The following ZNF791 variants were observed in gnomAD, a reference collection of about 807,000 sequenced individuals.
ZNF791 encodes zinc finger protein 791.
ZNF791 carries 4 observed loss-of-function variants against 11.5 expected under a neutral mutation model. The observed-to-expected ratio is 0.35, with a 90% CI of 0.17 to 0.80. The LOEUF is 0.80. Ranked by LOEUF, ZNF791 falls within the 30% of genes least tolerant of loss-of-function variation. The probability of loss-of-function intolerance (pLI) is 0.53; values close to 1 mark genes in which losing one functional copy is unlikely to be tolerated. For missense variants in ZNF791, 559 were observed against 699.4 expected, an observed-to-expected ratio of 0.80 and a Z score of 2.26; for synonymous variants, 212 against 228.1, an observed-to-expected ratio of 0.93 and a Z score of 0.64.
chr19:12,622,198 C>T (rs879281329), intron 1 of ZNF791, among the ~76,000 whole-genome samples: 1 of 136,788 alleles, frequency 7.3e-6, no homozygotes, highest in African/African-American at 2.6e-5. Context: ...CTCAAGTAAT[C>T]AGGGACACAA....
At chr19:12,620,754 C>CTTTTTTTTTTTTTTTGTTTTT (rs2023327873) in intron 1 of ZNF791, among the ~76,000 whole-genome samples, 1 of 83,446 alleles carries the variant, frequency 1.2e-5, no homozygotes, top group African/African-American at 5.4e-5. Context: ...GATTTATGTT[C>CTTTTTTTTTTTTTTTGTTTTT]TTTTTTTTTT....
At chr19:12,616,307 T>C (rs1274991592) in intron 1 of ZNF791, among the ~76,000 whole-genome samples, 1 of 152,182 alleles carries the variant, frequency 6.6e-6, no homozygotes, top group Non-Finnish European at 1.5e-5. Flanking sequence ...AGAGTTCGAA[T>C]TGGAGGCAGG....
chr19:12,620,190 A>G (rs574614199), intron 1 of ZNF791, among the ~76,000 whole-genome samples: 4 of 151,850 alleles, frequency 2.6e-5, no homozygotes, highest in South Asian at 4.2e-4. Context: ...GGTGTGAGCC[A>G]CCGCACCTGG....
rs2023463560 is a variant in ZNF791, at chr19:12,628,767, A to C, written c.1238A>C (p.Glu413Ala). The C allele has an allele frequency of 1.2e-6, 2 of 1,612,792 alleles. No individual in the cohort carries two copies. Among genetic ancestry groups the C allele is most frequent in the Non-Finnish European group, 1.7e-6 (2 of 1,179,584 alleles). Residue 413 changes from glutamate to alanine, a missense_variant, in exon 4 of 4, where the codon GAG becomes GCG. By Grantham distance (107) the Glu-to-Ala change is moderately radical. Coordinates refer to ENST00000343325, the MANE Select transcript of ZNF791 (RefSeq NM_153358.3). ...AATCACACTGGAGAAAAACCCTATG[A>C]GTGTAAGGAATGTGCAAAAACCTTC... ...KRNHTGEKPY[E>A]CKECAKTFIS...
chr19:12,624,928 G>A (rs946602699), intron 3 of ZNF791, among the ~76,000 whole-genome samples: 2 of 151,634 alleles, frequency 1.3e-5, no homozygotes, highest in African/African-American at 4.8e-5. Flanking sequence ...GTGGGCGCCT[G>A]TAATCCCAGC....
rs576943174 is a variant in ZNF791, at chr19:12,612,945, G to C, written c.3+1863G>C. Among the ~76,000 whole-genome samples the C allele has an allele frequency of 1.3e-4, 19 of 151,992 alleles. No homozygotes were observed. The South Asian group carries it at 3.7e-3, about 30-fold the overall frequency. On this transcript the variant is annotated intron_variant, in intron 1 of 3. Coordinates refer to ENST00000343325, the MANE Select transcript of ZNF791 (RefSeq NM_153358.3). Reference sequence around the variant, plus strand: ...ACAGGCAGATGCTGTTAGGGGAAGAGGGGAGGATGTCTGAGGTTTTAATTG... The same window carrying C: ...ACAGGCAGATGCTGTTAGGGGAAGACGGGAGGATGTCTGAGGTTTTAATTG...
At position 12,630,687 on chromosome 19, in the gene ZNF791, A is replaced by G. The variant is rs1053110164; in HGVS notation, c.*1427A>G. 4.6e-5 allele frequency: 7 copies of G among 152,266 alleles called. No individual in the cohort carries two copies. Among genetic ancestry groups the G allele is most frequent in the Non-Finnish European group, 1.0e-4 (7 of 68,024 alleles). The allele number at this position is 152,266 out of a possible 1,614,324, so 9.4% of individuals were successfully genotyped here. ...TGAACGTATTCTGGCGGGACAAAAC[A>G]TGGAGGCAGAAGACAATGATATTGA... is the stretch of plus-strand genomic sequence containing the variant. On this transcript the variant is annotated 3_prime_UTR_variant, in exon 4 of 4. Coordinates refer to ENST00000343325, the MANE Select transcript of ZNF791 (RefSeq NM_153358.3).
chr19:12,624,557 A>AGCTCATTGT, intron 2 of ZNF791, 93 bp from the exon 3 acceptor site: 1 of 925,920 alleles, frequency 1.1e-6, no homozygotes. Flanking sequence ...TAAATAAACC[A>AGCTCATTGT]GGCATGGTTA....
chr19:12,619,329 A>T (rs1351586334), intron 1 of ZNF791, among the ~76,000 whole-genome samples: 1 of 152,170 alleles, frequency 6.6e-6, no homozygotes, highest in Non-Finnish European at 1.5e-5. Context: ...TTGGAAAAAA[A>T]TTACTGGATC....
At position 12,630,963 on chromosome 19, in the gene ZNF791, G is replaced by A. The variant is rs2023495685; in HGVS notation, c.*1703G>A. 2 of 152,162 alleles carry A rather than the reference G, an allele frequency of 1.3e-5. No individual in the cohort carries two copies. The highest frequency in any genetic ancestry group is 1.3e-4 in the Admixed American group (2 of 15,280). 9.4% of individuals were successfully genotyped at this position (152,162 alleles called of 1,614,324 possible). On this transcript the variant is annotated 3_prime_UTR_variant, in exon 4 of 4. Transcript: ENST00000343325. ...GAAAAAATGTTTTTATGAATGTAGT[G>A]TAGTCCAAGTGTACAGTGTTTATAA... is the stretch of plus-strand genomic sequence containing the variant.
chr19:12,623,981 G>T (rs550178119), intron 2 of ZNF791, among the ~76,000 whole-genome samples, 155 bp downstream of exon 2: 1 of 149,032 alleles, frequency 6.7e-6, no homozygotes, highest in Non-Finnish European at 1.5e-5. Context: ...TCAGCCTCCC[G>T]AGTAGCTGGG....
intron 1 of ZNF791, among the ~76,000 whole-genome samples, chr19:12,614,962 T>G (rs2023223622): frequency 7.7e-6 from 1 of 129,296 alleles, no homozygotes; most frequent in South Asian, 2.7e-4. Context: ...CAAGCTGGTC[T>G]GGAACTCCTG....
chr19:12,611,163 T>C, intron 1 of ZNF791, 81 bp downstream of exon 1: 1 of 1,576,876 alleles, frequency 6.3e-7, no homozygotes, highest in East Asian at 2.3e-5. Flanking sequence ...CCGGCCGCAG[T>C]GTGGGGCTGG....
At chr19:12,624,274 T>G (rs573244111) in intron 2 of ZNF791, among the ~76,000 whole-genome samples, 1 of 150,392 alleles carries the variant, frequency 6.6e-6, no homozygotes, top group African/African-American at 2.4e-5. Context: ...TGCCTCAGCC[T>G]CCCGAGTAGC....
rs923788268 is a variant in ZNF791, at chr19:12,631,392, A to G, written c.*2132A>G. ...ATGATTAAGCAATCTCTGCCTGTAA[A>G]ATGCTCCAGAAAATTCACACCATGA... On this transcript the variant is annotated 3_prime_UTR_variant, in exon 4 of 4. Transcript: ENST00000343325. The G allele has an allele frequency of 6.6e-5, 10 of 152,202 alleles. No individual in the cohort carries two copies. The highest frequency in any genetic ancestry group is 2.4e-4 in the African/African-American group (10 of 41,432). 9.4% of individuals were successfully genotyped at this position (152,202 alleles called of 1,614,324 possible).
chr19:12,624,103 G>A (rs540597816), intron 2 of ZNF791, among the ~76,000 whole-genome samples: 1 of 149,430 alleles, frequency 6.7e-6, no homozygotes, highest in African/African-American at 2.5e-5. Context: ...TAATCTGCCC[G>A]CTTCAGCCTC....
At chr19:12,619,091 A>C (rs948133919) in intron 1 of ZNF791, among the ~76,000 whole-genome samples, 10 of 151,902 alleles carry the variant, frequency 6.6e-5, no homozygotes, top group Non-Finnish European at 1.2e-4. Context: ...TGATCCACCC[A>C]CCTAGGCCTC....
rs889052563 is a variant in ZNF791 at position 12,629,488 on chromosome 19, A to G, written c.*228A>G. 3.6e-5 allele frequency: 13 copies of G among 358,330 alleles called. No homozygotes were observed. The South Asian group carries it at 9.8e-4, about 27-fold the overall frequency. 22.2% of individuals were successfully genotyped at this position (358,330 alleles called of 1,614,324 possible). On this transcript the variant is annotated 3_prime_UTR_variant, in exon 4 of 4. Transcript: ENST00000343325. ...ATTATATAACACCTAAAACATTTCT[A>G]TCAACCGCAATTTAGTAGCAGTAGT...
chr19:12,617,947 C>T (rs1328050478), intron 1 of ZNF791, among the ~76,000 whole-genome samples: 8 of 123,458 alleles, frequency 6.5e-5, no homozygotes, highest in East Asian at 4.8e-4. Flanking sequence ...GACAGAGTTT[C>T]GTCCTTGTCG....
Sources: allele counts gnomAD v4.1 joint callset (sites outside exome capture counted in the v4.1 genomes callset), GRCh38; gene constraint gnomAD v4.1.1; transcripts MANE v1.5; gene names NCBI Gene and HGNC (gene_info 2026-07-23, HGNC 2026-07-21).